Variants in STAM observed in about 807,000 individuals in gnomAD.
STAM encodes the protein signal transducing adapter molecule 1.
STAM carries 16 observed loss-of-function variants against 63.4 expected under a neutral mutation model. That is an observed-to-expected ratio of 0.25 (90% CI 0.17 to 0.38). The LOEUF is 0.38. Among genes scored for constraint, STAM ranks in the 10% least tolerant of loss-of-function variants. The pLI, the probability that STAM is intolerant of heterozygous loss-of-function variation, is 1.00. For missense variants in STAM, 636 were observed against 657.1 expected (o/e 0.97, Z 0.35); for synonymous variants, 238 against 223.9 (o/e 1.06, Z -0.56).
intron 5 of STAM, among the ~76,000 whole-genome samples, chr10:17,689,433 A>G (rs1554826504): frequency 6.6e-6 from 1 of 152,210 alleles, no homozygotes; most frequent in African/African-American, 2.4e-5. Flanking sequence ...TGAAGACTCA[A>G]AAATGTATCT....
At chr10:17,654,251 C>A (rs1235524364) in intron 1 of STAM, among the ~76,000 whole-genome samples, 1 of 151,968 alleles carries the variant, frequency 6.6e-6, no homozygotes, top group East Asian at 1.9e-4. Flanking sequence ...GAGACGGAGG[C>A]TTGCTCTGTC....
chr10:17,680,337 A>G lies in STAM; in HGVS notation c.126-4338A>G, dbSNP rs1237344005. On this transcript the variant is annotated intron_variant, in intron 2 of 13. Transcript: ENST00000377524. The stretch of plus-strand genomic sequence containing the variant: ...GAAACTGTATACCCATTAAACAATT[A>G]AACAATAACTCCCCATTCGCTGCTC... 2.6e-5 allele frequency among the ~76,000 whole-genome samples: 4 copies of G among 152,084 alleles called. No homozygotes were observed. The East Asian group carries it at 7.7e-4, about 29-fold the overall frequency.
At position 17,716,035 on chromosome 10, in the gene STAM, A is replaced by G. The variant is rs1388533715; in HGVS notation, c.*1255A>G. The G allele has an allele frequency of 3.3e-5, 5 of 152,388 alleles. No homozygotes were observed. Among genetic ancestry groups the G allele is most frequent in the Non-Finnish European group, 4.4e-5 (3 of 67,980 alleles). 9.4% of individuals were successfully genotyped at this position (152,388 alleles called of 1,614,324 possible). A position where few individuals can be genotyped will look rare whatever the true frequency, so the allele number is the denominator to read the frequency against. Reference sequence around the variant, plus strand: ...TTATTTTGGCTTCTTACTTGGGAATATTTTCAAATGAATGCTTTTCTTTTA... The same window carrying G: ...TTATTTTGGCTTCTTACTTGGGAATGTTTTCAAATGAATGCTTTTCTTTTA... On this transcript the variant is annotated 3_prime_UTR_variant, in exon 14 of 14. Coordinates refer to ENST00000377524, the MANE Select transcript of STAM (RefSeq NM_003473.4).
At position 17,714,814 on chromosome 10, in the gene STAM, T is replaced by G. The variant is rs781813389; in HGVS notation, c.*34T>G. 1.3e-6 allele frequency: 2 copies of G among 1,552,254 alleles called. No individual in the cohort carries two copies. Among genetic ancestry groups the G allele is most frequent in the African/African-American group, 1.4e-5 (1 of 73,702 alleles). ...GTTCCTCTTGGTGGCAGATACCTGC[T>G]AAATGCCACTGACAATGTTATGAGA... On this transcript the variant is annotated 3_prime_UTR_variant, in exon 14 of 14. Transcript: ENST00000377524.
intron 2 of STAM, among the ~76,000 whole-genome samples, chr10:17,677,192 G>A (rs894432735): frequency 4.6e-5 from 7 of 152,088 alleles, no homozygotes; most frequent in East Asian, 1.9e-4. Flanking sequence ...ACAATTGGCT[G>A]TGGTAAAACA....
chr10:17,710,595 C>G (rs1836512615), intron 13 of STAM, among the ~76,000 whole-genome samples: 3 of 152,210 alleles, frequency 2.0e-5, no homozygotes. Context: ...AGCACTGTTC[C>G]TCCTGTGTGC....
At chr10:17,710,932 A>T (rs1229285797) in intron 13 of STAM, among the ~76,000 whole-genome samples, 5 of 152,230 alleles carry the variant, frequency 3.3e-5, no homozygotes, top group African/African-American at 1.2e-4. Flanking sequence ...TTATCAATAT[A>T]TAAAAACAGA....
chr10:17,651,383 C>T (rs1350020261), intron 1 of STAM, among the ~76,000 whole-genome samples: 1 of 152,156 alleles, frequency 6.6e-6, no homozygotes, highest in Non-Finnish European at 1.5e-5. Flanking sequence ...GTTTTAGCTC[C>T]TTTTATAATC....
chr10:17,688,255 C>A, intron 5 of STAM, 82 bp downstream of exon 5: 2 of 1,328,582 alleles, frequency 1.5e-6, no homozygotes. Flanking sequence ...TTTCTTCATT[C>A]CCAGGTAATT....
At chr10:17,663,616 CT>C (rs1834262910) in intron 2 of STAM, among the ~76,000 whole-genome samples, 2 of 151,654 alleles carry the variant, frequency 1.3e-5, no homozygotes, top group Non-Finnish European at 2.9e-5. Context: ...AGTTATTGCT[CT>C]CTGGTTCTTT....
intron 6 of STAM, chr10:17,694,844 A>G (rs1457471618): frequency 1.8e-5 from 8 of 444,668 alleles, no homozygotes; most frequent in Non-Finnish European, 2.0e-5. Flanking sequence ...TGCTGTTCCA[A>G]TTTTGTTAAT....
chr10:17,669,867 G>A (rs1166166629), intron 2 of STAM, among the ~76,000 whole-genome samples: 1 of 147,322 alleles, frequency 6.8e-6, no homozygotes, highest in Admixed American at 6.8e-5. Context: ...CCTATGCCCG[G>A]CCAATTCTTT....
chr10:17,700,465 C>T (rs373694726), intron 9 of STAM, among the ~76,000 whole-genome samples, 186 bp downstream of exon 9: 6 of 152,048 alleles, frequency 3.9e-5, no homozygotes, highest in Non-Finnish European at 7.4e-5. Flanking sequence ...CTTTGTTTGC[C>T]GTGCCAGAGC....
At chr10:17,659,364 T>G (rs1219028216) in intron 1 of STAM, among the ~76,000 whole-genome samples, 3 of 151,938 alleles carry the variant, frequency 2.0e-5, no homozygotes, top group Non-Finnish European at 4.4e-5. Flanking sequence ...CTGTTATTAT[T>G]TAGAATAAAC....
intron 9 of STAM, among the ~76,000 whole-genome samples, chr10:17,700,770 A>G (rs11254737): frequency 1.3e-5 from 2 of 151,328 alleles, no homozygotes; most frequent in African/African-American, 4.8e-5. Flanking sequence ...AGCATACTCA[A>G]CAAGGATATT....
intron 12 of STAM, among the ~76,000 whole-genome samples, chr10:17,707,665 G>T (rs1448344050): frequency 1.3e-5 from 2 of 152,046 alleles, no homozygotes; most frequent in Admixed American, 6.5e-5. Context: ...AATAAAGTTA[G>T]GAGGACTGGT....
intron 1 of STAM, among the ~76,000 whole-genome samples, chr10:17,648,634 C>T (rs1833616083): frequency 6.6e-6 from 1 of 152,198 alleles, no homozygotes; most frequent in Non-Finnish European, 1.5e-5. Context: ...CACATCATCA[C>T]CTTTTTCTGT....
At chr10:17,685,169 A>G (rs1363721160) in intron 4 of STAM, among the ~76,000 whole-genome samples, 2 of 152,182 alleles carry the variant, frequency 1.3e-5, no homozygotes, top group Admixed American at 1.3e-4. Context: ...TCATACTTTC[A>G]TCTGATAAGA....
Position 17,711,591 on chromosome 10 carries a change from G to C in STAM, c.1385+2640G>C, listed in dbSNP as rs549982943. Among the ~76,000 whole-genome samples, 7 of 152,274 alleles carry C rather than the reference G, an allele frequency of 4.6e-5. No homozygotes were observed. The South Asian group carries it at 1.4e-3, about 32-fold the overall frequency. ...TTTCCAAGAGGGTTATTCTTAGCCA[G>C]TAGAAAAAAAGTGAGGAAGATGTTC... On this transcript the variant is annotated intron_variant, in intron 13 of 13. Transcript: ENST00000377524.
Sources: gnomAD v4.1 joint callset for allele counts (sites outside exome capture counted in the v4.1 genomes callset) on GRCh38, gnomAD v4.1.1 for gene constraint, MANE v1.5 for transcripts, NCBI Gene and HGNC (gene_info 2026-07-23, HGNC 2026-07-21) for gene names.